Variants in EXD2 observed in about 807,000 individuals in gnomAD.
The protein encoded by EXD2 is exonuclease 3'-5' domain containing 2, also known as exonuclease 3'-5' domain-containing protein 2.
A neutral mutation model predicts 62.5 loss-of-function variants in EXD2; 40 were observed. That is an observed-to-expected ratio of 0.64 (90% confidence interval 0.50 to 0.83). The LOEUF is 0.83. Among genes scored for constraint, EXD2 ranks in the 40% least tolerant of loss-of-function variants. The pLI is 0.00. For missense variants in EXD2, 671 were observed against 761.8 expected (o/e 0.88, Z 1.40); for synonymous variants, 239 against 291.9 (o/e 0.82, Z 1.85).
In EXD2 at chr14:69,215,298, A is replaced by ATGTGTGTGTGTGTG. The variant is rs61469385; in HGVS notation, c.333+5517_333+5530dup. Among the ~76,000 whole-genome samples the ATGTGTGTGTGTGTG allele has an allele frequency of 1.2e-3, 126 of 102,182 alleles. 1 individual carries two copies. The highest frequency in any genetic ancestry group is 3.1e-3 in the African/African-American group (114 of 37,212). The allele number at this position is 102,182 out of a possible 152,430, so 67.0% of individuals were successfully genotyped here. Reference sequence around the variant, plus strand: ...CAGCGAGACTCCATCTCAAAAATATATGTGTGTGTGTGTGTGTGTGTGTGT... The same window carrying ATGTGTGTGTGTGTG: ...CAGCGAGACTCCATCTCAAAAATATATGTGTGTGTGTGTGTGTGTGTGTGTGTGTGTGTGTGTGT... On this transcript the variant is annotated intron_variant, in intron 3 of 9. Coordinates refer to ENST00000685843, the MANE Select transcript of EXD2 (RefSeq NM_001193360.2).
chr14:69,227,626 T>A (rs1317393380), intron 3 of EXD2, among the ~76,000 whole-genome samples: 1 of 152,098 alleles, frequency 6.6e-6, no homozygotes, highest in Non-Finnish European at 1.5e-5. Context: ...GGCAGAAGGA[T>A]CACTTGAGGT....
intron 1 of EXD2, among the ~76,000 whole-genome samples, chr14:69,194,902 A>G (rs1427579974): frequency 2.0e-5 from 3 of 152,174 alleles, no homozygotes; most frequent in Non-Finnish European, 4.4e-5. Context: ...TTTTACAGTC[A>G]ACTTGTCAAT....
intron 3 of EXD2, among the ~76,000 whole-genome samples, chr14:69,225,080 T>C (rs2043313198): frequency 6.6e-6 from 1 of 152,238 alleles, no homozygotes; most frequent in South Asian, 2.1e-4. Context: ...CCTACTCTCT[T>C]TTCATCCTAC....
At chr14:69,217,434 A>G (rs2043020896) in intron 3 of EXD2, among the ~76,000 whole-genome samples, 1 of 152,184 alleles carries the variant, frequency 6.6e-6, no homozygotes, top group Non-Finnish European at 1.5e-5. Flanking sequence ...TTCACTTAAC[A>G]TAATGTCTTC....
chr14:69,235,588 G>A, intron 6 of EXD2: 2 of 257,452 alleles, frequency 7.8e-6, no homozygotes, highest in Non-Finnish European at 7.5e-6. Context: ...GGTCCCTGTA[G>A]CAAAGTGCCT....
chr14:69,240,788 C>G (rs1016935928), intron 9 of EXD2, 96 bp from the exon 10 acceptor site: 1 of 1,041,892 alleles, frequency 9.6e-7, no homozygotes, highest in African/African-American at 1.6e-5. Context: ...GTCCTTCAAC[C>G]TCCCCAGTTA....
chr14:69,210,079 C>CT, intron 3 of EXD2: 1 of 267,542 alleles, frequency 3.7e-6, no homozygotes, highest in Non-Finnish European at 7.2e-6. Context: ...TTTAGCCTCT[C>CT]TAAGTCTTTG....
At chr14:69,209,366 T>G (rs7144704) in intron 2 of EXD2, 58 bp from the exon 3 acceptor site, 58,758 of 920,462 alleles carry the variant, frequency 0.064, 2,290 homozygotes, top group Non-Finnish European at 0.074. Context: ...GAGGAAAACT[T>G]GTTTATGTAA....
chr14:69,232,144 G>A (rs1476469522), intron 5 of EXD2, among the ~76,000 whole-genome samples: 1 of 152,010 alleles, frequency 6.6e-6, no homozygotes, highest in East Asian at 1.9e-4. Context: ...GTTTTGCCTG[G>A]TATTACCAGG....
chr14:69,235,066 G>A lies in EXD2; in HGVS notation c.1049+35G>A, dbSNP rs74518015. Reference sequence around the variant, plus strand: ...TCACTCCCTGTCTAGTAAAGAGTCAGTGGCCCAGCCTTAGCAAAGGGTTTG... The same window carrying A: ...TCACTCCCTGTCTAGTAAAGAGTCAATGGCCCAGCCTTAGCAAAGGGTTTG... On this transcript the variant is annotated intron_variant, in intron 6 of 9. Transcript: ENST00000685843. 2,056 of 1,524,294 alleles carry A rather than the reference G, an allele frequency of 1.3e-3. 4 individuals are homozygous for A. In the African/African-American group the frequency reaches 0.014, roughly 10 times the overall value. 94.4% of individuals were successfully genotyped at this position (1,524,294 alleles called of 1,614,324 possible).
intron 3 of EXD2, among the ~76,000 whole-genome samples, chr14:69,214,359 T>C (rs2140252144): frequency 6.6e-6 from 1 of 152,308 alleles, no homozygotes; most frequent in South Asian, 2.1e-4. Flanking sequence ...TATCCTTTCT[T>C]CTTTCTTGCT....
At position 69,220,253 on chromosome 14, in the gene EXD2, G is replaced by GTTTTTTTT. The variant is rs869194045; in HGVS notation, c.334-8535_334-8528dup. Among the ~76,000 whole-genome samples, 56 of 35,116 alleles carry GTTTTTTTT rather than the reference G, an allele frequency of 1.6e-3. 12 individuals are homozygous for GTTTTTTTT. The highest frequency in any genetic ancestry group is 2.2e-3 in the African/African-American group (18 of 8,214). 23.0% of individuals were successfully genotyped at this position (35,116 alleles called of 152,430 possible). A position where few individuals can be genotyped will look rare whatever the true frequency, so the allele number is the denominator to read the frequency against. ...CTCTCAGCAAGTGTTTTGTCTCTCT[G>GTTTTTTTT]TTTTTTTTTTTTTTTTTTTTTTTTT... On this transcript the variant is annotated intron_variant, in intron 3 of 9. Coordinates refer to ENST00000685843, the MANE Select transcript of EXD2 (RefSeq NM_001193360.2).
At chr14:69,233,732 C>T (rs976243093) in intron 5 of EXD2, among the ~76,000 whole-genome samples, 2 of 151,188 alleles carry the variant, frequency 1.3e-5, no homozygotes, top group Non-Finnish European at 2.9e-5. Flanking sequence ...TGAGCCACCA[C>T]ACCCAGCCGA....
Position 69,237,661 on chromosome 14 carries a change from C to T in EXD2, c.1379C>T (p.Thr460Ile), listed in dbSNP as rs1427399017. 5 of 1,614,262 alleles carry T rather than the reference C, an allele frequency of 3.1e-6. No individual in the cohort carries two copies. Among genetic ancestry groups the T allele is most frequent in the Non-Finnish European group, 3.4e-6 (4 of 1,180,056 alleles). Reference protein sequence around the residue: ...HNSHDVLLLCTSCHAISNYYD... With the variant: ...HNSHDVLLLCISCHAISNYYD... The stretch of plus-strand genomic sequence containing the variant: ...TCCCACGATGTGCTGCTGCTCTGCA[C>T]CTCCTGCCATGCCATTTCCAACTAC... The change falls in exon 9 of 10, where the codon ACC (threonine) becomes ATC (isoleucine). Residue 460 changes from threonine to isoleucine, a missense_variant. By Grantham distance (89) the Thr-to-Ile change is moderately conservative. Coordinates refer to ENST00000685843, the MANE Select transcript of EXD2 (RefSeq NM_001193360.2).
chr14:69,203,783 A>G (rs1336441453), intron 1 of EXD2, 134 bp from the exon 2 acceptor site: 1 of 152,184 alleles, frequency 6.6e-6, no homozygotes, highest in Admixed American at 6.5e-5. Context: ...CCTTTAATAG[A>G]AGTTCTGTGG....
intron 1 of EXD2, chr14:69,196,134 G>T (rs1390447885): frequency 1.3e-5 from 2 of 152,162 alleles, no homozygotes; most frequent in Admixed American, 1.3e-4. Flanking sequence ...TCTTCAAATG[G>T]TCACCTTCCC....
At chr14:69,200,225 A>G (rs2042347640) in intron 1 of EXD2, among the ~76,000 whole-genome samples, 2 of 152,228 alleles carry the variant, frequency 1.3e-5, no homozygotes. Flanking sequence ...ATATTAAAAA[A>G]TCAATATGGA....
intron 9 of EXD2, chr14:69,239,218 C>G (rs1030698608): frequency 6.6e-6 from 1 of 152,174 alleles, no homozygotes; most frequent in African/African-American, 2.4e-5. Flanking sequence ...ATGCAGTATT[C>G]TGAAATGAGA....
rs749136719 is a variant in EXD2, at chr14:69,241,039, A to T, written c.1805A>T (p.Asp602Val). 121 of 1,612,852 alleles carry T rather than the reference A, an allele frequency of 7.5e-5. No homozygotes were observed. The highest frequency in any genetic ancestry group is 1.0e-4 in the Non-Finnish European group (119 of 1,180,032). ...CACCTGCCCCAGCAGTGGTCAGTGG[A>T]CCACAACCATCAGAAGCTGCTCCGG... ...PKHLPQQWSV[D>V]HNHQKLLRKF... Residue 602 changes from aspartate (D) to valine (V), a missense_variant, in exon 10 of 10, where the codon GAC becomes GTC. Transcript: ENST00000685843.
Sources: allele counts gnomAD v4.1 joint callset (sites outside exome capture counted in the v4.1 genomes callset), GRCh38; gene constraint gnomAD v4.1.1; transcripts MANE v1.5; gene names NCBI Gene and HGNC (gene_info 2026-07-23, HGNC 2026-07-21).